SLC39A11: variants seen among roughly 807,000 people sequenced by gnomAD.
The protein encoded by SLC39A11 is solute carrier family 39 member 11.
In SLC39A11, 33 loss-of-function variants were observed where a neutral mutation model predicts 36.1. The ratio of observed to expected loss-of-function variants is 0.91; its 90% confidence interval spans 0.69 to 1.22. The LOEUF is 1.22. Among genes scored for constraint, SLC39A11 ranks in the 50% most tolerant of loss-of-function variants. The probability of loss-of-function intolerance (pLI) is 0.00; values close to 1 mark genes in which losing one functional copy is unlikely to be tolerated. For synonymous variants in SLC39A11, 166 were observed against 170.3 expected (o/e 0.97, Z 0.20); for missense variants, 432 against 430.3 (o/e 1.00, Z -0.03).
At chr17:72,729,457 ATTTT>A (rs55729197) in intron 7 of SLC39A11, among the ~76,000 whole-genome samples, 8 of 7,240 alleles carry the variant, frequency 1.1e-3, no homozygotes, top group Admixed American at 3.3e-3. Flanking sequence ...ATATATATAT[ATTTT>A]TTTTTTTTTT....
At chr17:72,976,896 AGGATT>A (rs2148120006) in intron 4 of SLC39A11, among the ~76,000 whole-genome samples, 1 of 152,286 alleles carries the variant, frequency 6.6e-6, no homozygotes, top group South Asian at 2.1e-4. Context: ...GTTAGGTCTC[AGGATT>A]ATATATTGTA....
At chr17:72,932,202 C>T (rs2084440075) in intron 5 of SLC39A11, among the ~76,000 whole-genome samples, 1 of 151,946 alleles carries the variant, frequency 6.6e-6, no homozygotes. Context: ...ACTCCAACGT[C>T]TAGCAGCCAC....
chr17:73,022,332 T>C (rs1187610886), intron 4 of SLC39A11, among the ~76,000 whole-genome samples: 2 of 152,166 alleles, frequency 1.3e-5, no homozygotes, highest in Admixed American at 6.5e-5. Context: ...CAGTGGCTCA[T>C]GCCAGTAATC....
chr17:73,081,735 A>G (rs11651230), intron 3 of SLC39A11, among the ~76,000 whole-genome samples: 18,500 of 114,746 alleles, frequency 0.16, 259 homozygotes, highest in South Asian at 0.22. Flanking sequence ...ATATGTATGT[A>G]TATATATATA....
intron 6 of SLC39A11, among the ~76,000 whole-genome samples, chr17:72,754,045 T>C (rs59416590): frequency 0.17 from 8,884 of 52,000 alleles, 450 homozygotes; most frequent in South Asian, 0.32. Context: ...TATATATATA[T>C]ACACATACAC....
In SLC39A11 at chr17:72,818,263, C is replaced by T. The variant is rs1047057412; in HGVS notation, c.601+31371G>A. Reference sequence around the variant, plus strand: ...CTTGACCCGAAAGGTCAAGCCACTGCTCCCGTGGCTTAGTTTCCAGTCCAG... The same window carrying T: ...CTTGACCCGAAAGGTCAAGCCACTGTTCCCGTGGCTTAGTTTCCAGTCCAG... On this transcript the variant is annotated intron_variant, in intron 6 of 9. Transcript: ENST00000255559. Among the ~76,000 whole-genome samples the T allele has an allele frequency of 2.0e-5, 3 of 152,342 alleles. No homozygotes were observed. In the South Asian group the frequency reaches 6.2e-4, roughly 32 times the overall value.
chr17:73,031,479 G>C, intron 4 of SLC39A11, 77 bp downstream of exon 4: 1 of 1,509,646 alleles, frequency 6.6e-7, no homozygotes, highest in Non-Finnish European at 9.1e-7. Context: ...AGGTATGTCA[G>C]GTTTGATCAG....
At chr17:73,025,122 TGA>T (rs2148622872) in intron 4 of SLC39A11, among the ~76,000 whole-genome samples, 1 of 152,254 alleles carries the variant, frequency 6.6e-6, no homozygotes, top group South Asian at 2.1e-4. Flanking sequence ...TGAACATGGT[TGA>T]GGACTCAGAT....
chr17:72,849,824 A>AAAG lies in SLC39A11; in HGVS notation c.431-21_431-20insCTT. 1 of 1,372,124 alleles carries AAAG rather than the reference A, an allele frequency of 7.3e-7. No homozygotes were observed. The highest frequency in any genetic ancestry group is 1.4e-5 in the South Asian group (1 of 70,732). 85.0% of individuals were successfully genotyped at this position (1,372,124 alleles called of 1,614,324 possible). A position where few individuals can be genotyped will look rare whatever the true frequency, so the allele number is the denominator to read the frequency against. Reference sequence around the variant, plus strand: ...TCTTGTCTGAGCAAAAAAAAAAAAAAAGAGAGATGGGGAAAGACAGCGCTT... The same window carrying AAAG: ...TCTTGTCTGAGCAAAAAAAAAAAAAAAAGAGAGAGATGGGGAAAGACAGCGCTT... On this transcript the variant is annotated intron_variant, in intron 5 of 9. Coordinates refer to ENST00000255559, the MANE Select transcript of SLC39A11 (RefSeq NM_139177.4).
In SLC39A11 at chr17:72,869,183, C is replaced by T. The variant is rs144796780; in HGVS notation, c.431-19379G>A. On this transcript the variant is annotated intron_variant, in intron 5 of 9. Coordinates refer to ENST00000255559, the MANE Select transcript of SLC39A11 (RefSeq NM_139177.4). ...AACGAGCCCCCCATGTTGTCCTTCC[C>T]AAGTGGCACCAGTGAAAGTAACAAG... 4.2e-3 allele frequency among the ~76,000 whole-genome samples: 646 copies of T among 152,254 alleles called. 2 individuals carry two copies. The highest frequency in any genetic ancestry group is 7.7e-3 in the Non-Finnish European group (522 of 68,000).
chr17:72,988,072 T>G (rs2088895237), intron 4 of SLC39A11, among the ~76,000 whole-genome samples: 1 of 152,176 alleles, frequency 6.6e-6, no homozygotes, highest in South Asian at 2.1e-4. Flanking sequence ...CAGTGTGAAA[T>G]AAGCACATCA....
intron 7 of SLC39A11, among the ~76,000 whole-genome samples, chr17:72,656,220 C>T (rs912342650): frequency 1.3e-5 from 2 of 152,182 alleles, no homozygotes; most frequent in Non-Finnish European, 2.9e-5. Flanking sequence ...AGTGAAGCTG[C>T]TGTCTTCTGG....
At chr17:72,838,656 G>A (rs770174266) in intron 6 of SLC39A11, among the ~76,000 whole-genome samples, 9 of 152,184 alleles carry the variant, frequency 5.9e-5, no homozygotes, top group Admixed American at 1.3e-4. Flanking sequence ...AACTACCAGT[G>A]AGCGTGGGGA....
intron 4 of SLC39A11, among the ~76,000 whole-genome samples, chr17:72,959,325 G>GTGTGTATATATATATATATATA (rs1436484912): frequency 3.1e-5 from 2 of 65,548 alleles, no homozygotes; most frequent in African/African-American, 1.4e-4. Context: ...GTGTGTGTGT[G>GTGTGTATATATATATATATATA]TATATATATA....
chr17:72,880,392 A>G (rs2081132387), intron 5 of SLC39A11, among the ~76,000 whole-genome samples: 1 of 151,994 alleles, frequency 6.6e-6, no homozygotes, highest in African/African-American at 2.4e-5. Context: ...AACATGGTGA[A>G]ACCCTGTCTC....
chr17:72,688,906 G>A (rs771420500), intron 7 of SLC39A11, among the ~76,000 whole-genome samples: 4 of 152,166 alleles, frequency 2.6e-5, no homozygotes, highest in Admixed American at 6.5e-5. Context: ...TTCAACAGGT[G>A]CAAATACCAA....
chr17:72,809,967 G>C (rs933882345), intron 6 of SLC39A11, among the ~76,000 whole-genome samples: 4 of 151,850 alleles, frequency 2.6e-5, no homozygotes, highest in African/African-American at 9.7e-5. Context: ...GGGAGGCTGA[G>C]GCAGGAGAAT....
At chr17:72,894,049 A>G (rs1259661616) in intron 5 of SLC39A11, among the ~76,000 whole-genome samples, 1 of 152,040 alleles carries the variant, frequency 6.6e-6, no homozygotes, top group Non-Finnish European at 1.5e-5. Flanking sequence ...AAAATAACCA[A>G]TGCTCATGAT....
intron 4 of SLC39A11, among the ~76,000 whole-genome samples, chr17:72,963,385 T>C (rs549747716): frequency 2.6e-5 from 4 of 151,764 alleles, no homozygotes; most frequent in Admixed American, 1.3e-4. Context: ...TTAGCCAGGA[T>C]GGTCTTGATC....
Sources: gnomAD v4.1 joint callset for allele counts (sites outside exome capture counted in the v4.1 genomes callset) on GRCh38, gnomAD v4.1.1 for gene constraint, MANE v1.5 for transcripts, NCBI Gene and HGNC (gene_info 2026-07-23, HGNC 2026-07-21) for gene names.